PTPN4: variants seen among roughly 807,000 people sequenced by gnomAD.
The protein encoded by PTPN4 is tyrosine-protein phosphatase non-receptor type 4.
Under a neutral mutation model 135.5 loss-of-function variants are expected in PTPN4, and 49 were observed. That is an observed-to-expected ratio of 0.36 (90% CI 0.29 to 0.46). The LOEUF (loss-of-function observed/expected upper bound fraction) is 0.46, where lower values mean the gene tolerates loss of function less well. Ranked by LOEUF, PTPN4 falls within the 20% of genes least tolerant of loss-of-function variation. PTPN4 has a pLI of 1.00. For missense variants in PTPN4, 860 were observed against 1,101.0 expected, an observed-to-expected ratio of 0.78 and a Z score of 3.10; for synonymous variants, 333 against 369.9, an observed-to-expected ratio of 0.90 and a Z score of 1.14.
intron 3 of PTPN4, among the ~76,000 whole-genome samples, chr2:119,876,940 T>TGCGC (rs1553458137): frequency 2.2e-4 from 33 of 148,590 alleles, no homozygotes; most frequent in African/African-American, 4.5e-4. Context: ...TGTGTGTGTG[T>TGCGC]GCGTGAAGGG....
intron 1 of PTPN4, among the ~76,000 whole-genome samples, chr2:119,765,526 G>A (rs573722680): frequency 6.6e-6 from 1 of 152,286 alleles, no homozygotes; most frequent in Non-Finnish European, 1.5e-5. Flanking sequence ...TTTAATTAAT[G>A]TAATTTGAAA....
intron 1 of PTPN4, among the ~76,000 whole-genome samples, chr2:119,779,618 A>G (rs1347144217): frequency 6.7e-6 from 1 of 148,514 alleles, no homozygotes; most frequent in South Asian, 2.1e-4. Context: ...CTCCGTCTCA[A>G]AAAAAAAAAA....
chr2:119,862,154 A>T, intron 2 of PTPN4, among the ~76,000 whole-genome samples: 1 of 152,346 alleles, frequency 6.6e-6, no homozygotes. Flanking sequence ...GAAAGTGAAA[A>T]GTATTTTCAA....
At chr2:119,804,277 T>C (rs1346862429) in intron 1 of PTPN4, among the ~76,000 whole-genome samples, 1 of 152,042 alleles carries the variant, frequency 6.6e-6, no homozygotes. Flanking sequence ...CATGCTCAGC[T>C]AATTTTTTTT....
chr2:119,850,484 A>G (rs1052073916), intron 2 of PTPN4, among the ~76,000 whole-genome samples: 1 of 152,160 alleles, frequency 6.6e-6, no homozygotes, highest in Non-Finnish European at 1.5e-5. Context: ...AAATTGTGAT[A>G]ATGTTGCTGG....
At position 119,773,130 on chromosome 2, in the gene PTPN4, A is replaced by G. The variant is rs550614728; in HGVS notation, c.-18+12746A>G. On this transcript the variant is annotated intron_variant, in intron 1 of 26. Transcript: ENST00000263708. ...TTCATGTTTATTAATTTCATTTCTT[A>G]TATTCTTCAAATTTTTTGTTCATTT... Among the ~76,000 whole-genome samples the G allele has an allele frequency of 2.5e-3, 388 of 152,266 alleles. 1 individual carries two copies. The highest frequency in any genetic ancestry group is 9.1e-3 in the African/African-American group (377 of 41,558).
intron 2 of PTPN4, among the ~76,000 whole-genome samples, chr2:119,833,190 A>G (rs1444421870): frequency 1.3e-5 from 2 of 151,636 alleles, no homozygotes; most frequent in Non-Finnish European, 2.9e-5. Context: ...ATTTTGTGGT[A>G]TGGTGCAGTT....
intron 14 of PTPN4, among the ~76,000 whole-genome samples, chr2:119,933,018 A>G (rs1350501917): frequency 2.0e-5 from 3 of 152,150 alleles, no homozygotes; most frequent in Admixed American, 2.0e-4. Context: ...AGGGGTTTCC[A>G]GCACCAGTCC....
intron 15 of PTPN4, among the ~76,000 whole-genome samples, chr2:119,938,016 A>G (rs1005373504): frequency 4.6e-5 from 7 of 152,038 alleles, no homozygotes; most frequent in Non-Finnish European, 1.0e-4. Context: ...AAAAGCCCCA[A>G]TATGAATGTT....
intron 1 of PTPN4, among the ~76,000 whole-genome samples, chr2:119,795,146 T>C (rs1055399047): frequency 6.6e-6 from 1 of 152,176 alleles, no homozygotes; most frequent in Non-Finnish European, 1.5e-5. Context: ...GGTGTCTGGC[T>C]GAGTCTGGGG....
At chr2:119,902,781 C>G (rs989769572) in intron 10 of PTPN4, among the ~76,000 whole-genome samples, 1 of 152,218 alleles carries the variant, frequency 6.6e-6, no homozygotes, top group African/African-American at 2.4e-5. Context: ...AAGATTACTG[C>G]AGTCCTTCTT....
At chr2:119,847,948 GT>G (rs766715520) in intron 2 of PTPN4, among the ~76,000 whole-genome samples, 12 of 152,012 alleles carry the variant, frequency 7.9e-5, no homozygotes, top group Admixed American at 2.0e-4. Flanking sequence ...AGCTATTCAT[GT>G]TTTTGGAGTT....
chr2:119,846,819 TACTTC>T (rs1677505412), intron 2 of PTPN4, among the ~76,000 whole-genome samples: 1 of 150,340 alleles, frequency 6.7e-6, no homozygotes, highest in South Asian at 2.1e-4. Flanking sequence ...CTTATCAGAA[TACTTC>T]AGGCTTATAA....
intron 20 of PTPN4, among the ~76,000 whole-genome samples, chr2:119,955,659 C>G (rs1679269309): frequency 6.6e-6 from 1 of 151,998 alleles, no homozygotes. Context: ...TGAGCTTGGC[C>G]AGGTGTGGTG....
chr2:119,885,875 A>G lies in PTPN4; in HGVS notation c.668A>G (p.Tyr223Cys), dbSNP rs758809995. Residue 223 changes from tyrosine to cysteine, a missense_variant, in exon 9 of 27, where the codon TAT becomes TGT. Around this residue, in one of 2 missense-constraint regions of PTPN4, gnomAD observed 684 missense variants for 807.0 expected, o/e 0.85. Coordinates refer to ENST00000263708, the MANE Select transcript of PTPN4 (RefSeq NM_002830.4). Reference sequence around the variant, plus strand: ...GAACTCTATGGAGTTGAATTCCACTATGCAAGGGTAAGTGAAGAAAACTTA... The same window carrying G: ...GAACTCTATGGAGTTGAATTCCACTGTGCAAGGGTAAGTGAAGAAAACTTA... ...TLELYGVEFHYARDQSNNEIM... is the reference protein window; with the variant it reads ...TLELYGVEFHCARDQSNNEIM... 5 of 1,580,820 alleles carry G rather than the reference A, an allele frequency of 3.2e-6. No individual in the cohort carries two copies. In the African/African-American group the frequency reaches 5.5e-5, roughly 17 times the overall value.
chr2:119,931,225 C>T lies in PTPN4; in HGVS notation c.1071-1199C>T, dbSNP rs976668160. 4.7e-4 allele frequency among the ~76,000 whole-genome samples: 71 copies of T among 151,952 alleles called. No homozygotes were observed. The Middle Eastern group carries it at 0.01, about 22-fold the overall frequency. On this transcript the variant is annotated intron_variant, in intron 13 of 26. Transcript: ENST00000263708. ...CTTTATATATGTAGCTTAAATTATTCGCCTCCACATTAACTCTGCACTTCA... is the reference window on the plus strand; with the variant it reads ...CTTTATATATGTAGCTTAAATTATTTGCCTCCACATTAACTCTGCACTTCA...
chr2:119,880,389 T>A (rs1678053172), intron 5 of PTPN4, among the ~76,000 whole-genome samples: 1 of 152,186 alleles, frequency 6.6e-6, no homozygotes, highest in Non-Finnish European at 1.5e-5. Flanking sequence ...AAATCCTGAC[T>A]ATAAGATTGT....
rs998806868 is a variant in PTPN4, at chr2:119,907,460, T to C, written c.764+6654T>C. ...ATAAAAAATATTTTTAAAAATTAGC[T>C]GGGCATAATGGCATGTATTTGTAGT... On this transcript the variant is annotated intron_variant, in intron 10 of 26. Transcript: ENST00000263708. Among the ~76,000 whole-genome samples the C allele has an allele frequency of 1.8e-4, 28 of 152,208 alleles. 1 individual carries two copies. The highest frequency in any genetic ancestry group is 6.3e-4 in the African/African-American group (26 of 41,540).
At chr2:119,835,840 C>T (rs535859768) in intron 2 of PTPN4, among the ~76,000 whole-genome samples, 38 of 152,090 alleles carry the variant, frequency 2.5e-4, no homozygotes, top group African/African-American at 3.9e-4. Context: ...GAGGCCAAGG[C>T]GGGTGGATCA....
Sources: allele counts gnomAD v4.1 joint callset (sites outside exome capture counted in the v4.1 genomes callset), GRCh38; gene constraint gnomAD v4.1.1; regional missense constraint gnomAD v4.1.1; transcripts MANE v1.5; gene names NCBI Gene and HGNC (gene_info 2026-07-23, HGNC 2026-07-21).